The following NTRK1 variants were observed in gnomAD, a reference collection of about 807,000 sequenced individuals.
NTRK1 encodes the protein neurotrophic receptor tyrosine kinase 1.
Under a neutral mutation model 86.8 loss-of-function variants are expected in NTRK1, and 62 were observed. The observed-to-expected ratio is 0.71, with a 90% CI of 0.58 to 0.88. NTRK1 has a LOEUF of 0.88. NTRK1 is among the 40% of genes least tolerant of loss of function. NTRK1 has a pLI of 0.00. For missense variants in NTRK1, 967 were observed against 1,078.4 expected, an observed-to-expected ratio of 0.90 and a Z score of 1.45; for synonymous variants, 469 against 456.6, an observed-to-expected ratio of 1.03 and a Z score of -0.35.
chr1:156,845,914 C>A (rs1253249072), intron 2 of NTRK1: 1 of 1,602,236 alleles, frequency 6.2e-7, no homozygotes, highest in East Asian at 2.3e-5. Context: ...CCCTTCCCCA[C>A]CCGCCCCGCG....
intron 1 of NTRK1, among the ~76,000 whole-genome samples, chr1:156,863,406 CT>C (rs1655772950): frequency 6.6e-6 from 1 of 151,512 alleles, no homozygotes; most frequent in Non-Finnish European, 1.5e-5. Context: ...GCCTTTCCAT[CT>C]TTCTGTCTCT....
rs754776029 is a variant in NTRK1 at position 156,841,805 on chromosome 1, A to AG, written c.-63-273dup. The AG allele has an allele frequency of 1.9e-6, 3 of 1,614,080 alleles. No individual in the cohort carries two copies. The Admixed American group carries it at 5.0e-5, about 27-fold the overall frequency. On this transcript the variant is annotated intron_variant, in intron 1 of 16. Transcript: ENST00000392302. ...GAGTCATCCCGAAGTCTGGAAAGTG[A>AG]GGGTGAGGGTGGAGGAGGTGTGGGG... is the stretch of plus-strand genomic sequence containing the variant.
Position 156,876,393 on chromosome 1 carries a change from C to T in NTRK1, c.1633-7C>T, listed in dbSNP as rs2102918990. On this transcript the variant is annotated splice_polypyrimidine_tract_variant and splice_region_variant and intron_variant, in intron 13 of 16. Coordinates refer to ENST00000524377, the MANE Select transcript of NTRK1 (RefSeq NM_002529.4). The stretch of plus-strand genomic sequence containing the variant: ...AACTCAGTCCTGTCCCTGCCGCTTC[C>T]ATCCAGGCACTGAAGGAGGCGTCCG... 1 of 1,613,744 alleles carries T rather than the reference C, an allele frequency of 6.2e-7. No individual in the cohort carries two copies. Among genetic ancestry groups the T allele is most frequent in the Non-Finnish European group, 8.5e-7 (1 of 1,180,012 alleles).
intron 8 of NTRK1, 41 bp from the exon 9 acceptor site, chr1:156,874,342 C>T (rs771595008): frequency 2.5e-5 from 40 of 1,613,704 alleles, no homozygotes; most frequent in Non-Finnish European, 2.6e-5. Flanking sequence ...ACTGCTTTCT[C>T]TCCTCCCTCT....
At position 156,842,505 on chromosome 1, in the gene NTRK1, G is replaced by A. The variant is rs983411815; in HGVS notation, c.50+312G>A. The A allele has an allele frequency of 4.3e-6, 7 of 1,612,026 alleles. No homozygotes were observed. Among genetic ancestry groups the A allele is most frequent in the Middle Eastern group, 1.6e-4 (1 of 6,080 alleles). On this transcript the variant is annotated intron_variant, in intron 2 of 16. Coordinates refer to the NTRK1 transcript ENST00000392302. ...CCCTGAGATACCACACCCAGGAGAC[G>A]CACCTGGGACAGACAAAGGGCCTAG...
chr1:156,817,063 C>CTCTCTCTCTCTCTCTATT, intron 1 of NTRK1, among the ~76,000 whole-genome samples: 1 of 151,508 alleles, frequency 6.6e-6, no homozygotes, highest in Non-Finnish European at 1.5e-5. Context: ...CTCTCTCTCT[C>CTCTCTCTCTCTCTCTATT]TCTCTCTCTC....
At chr1:156,822,347 C>T (rs1654211314) in intron 1 of NTRK1, among the ~76,000 whole-genome samples, 1 of 152,070 alleles carries the variant, frequency 6.6e-6, no homozygotes, top group Non-Finnish European at 1.5e-5. Context: ...CGATTGAAGC[C>T]AGGAGTTGGA....
chr1:156,845,517 A>G, intron 2 of NTRK1: 4 of 1,477,056 alleles, frequency 2.7e-6, no homozygotes, highest in Middle Eastern at 4.9e-4. Flanking sequence ...GGACCCGCCC[A>G]CACAAGCAAG....
intron 2 of NTRK1, chr1:156,843,293 C>T: frequency 6.3e-7 from 1 of 1,575,750 alleles, no homozygotes; most frequent in Non-Finnish European, 8.7e-7. Context: ...CCTCACCCCC[C>T]AACTTCTCTT....
At chr1:156,875,375 T>C in intron 11 of NTRK1, 145 bp from the exon 12 acceptor site, 14 of 1,108,164 alleles carry the variant, frequency 1.3e-5, no homozygotes, top group Non-Finnish European at 1.6e-5. Flanking sequence ...GGTGCCCCCT[T>C]CCCCCTGCCT....
At chr1:156,864,644 A>T in intron 2 of NTRK1, 84 bp from the exon 3 acceptor site, 19 of 1,449,982 alleles carry the variant, frequency 1.3e-5, no homozygotes, top group Non-Finnish European at 1.8e-5. Context: ...AGCACAGGGG[A>T]CTGGGAGGCT....
intron 2 of NTRK1, among the ~76,000 whole-genome samples, chr1:156,850,073 T>A (rs1411147262): frequency 6.6e-6 from 1 of 152,074 alleles, no homozygotes. Flanking sequence ...CAGCTAATTT[T>A]GTATTTTTTA....
intron 1 of NTRK1, among the ~76,000 whole-genome samples, chr1:156,830,765 G>A (rs1158338877): frequency 6.6e-6 from 1 of 152,126 alleles, no homozygotes; most frequent in Admixed American, 6.5e-5. Flanking sequence ...ATGTTGGCCA[G>A]GCTGGTCTCG....
intron 2 of NTRK1, chr1:156,845,164 G>A: frequency 6.2e-7 from 1 of 1,611,422 alleles, no homozygotes; most frequent in Non-Finnish European, 8.5e-7. Flanking sequence ...TGTCGATCCG[G>A]TATTCCGTGA....
intron 2 of NTRK1, chr1:156,849,151 T>G (rs1655114581): frequency 6.3e-7 from 1 of 1,599,822 alleles, no homozygotes; most frequent in Admixed American, 1.7e-5. Context: ...TGAGGAGAAC[T>G]TCTCAGAGTG....
In NTRK1 at chr1:156,828,402, T is replaced by C. The variant is rs188831468; in HGVS notation, c.-64+12564T>C. Among the ~76,000 whole-genome samples the C allele has an allele frequency of 1.2e-4, 19 of 152,288 alleles. No individual in the cohort carries two copies. In the East Asian group the frequency reaches 2.9e-3, roughly 23 times the overall value. On this transcript the variant is annotated intron_variant, in intron 1 of 16. Transcript: ENST00000392302. ...GATGCTGAGTAACTATGTATTGACATTTTGAGGAAAAAAAAAGCAAAGAAA... is the reference window on the plus strand; with the variant it reads ...GATGCTGAGTAACTATGTATTGACACTTTGAGGAAAAAAAAAGCAAAGAAA...
intron 1 of NTRK1, among the ~76,000 whole-genome samples, chr1:156,824,728 G>A (rs1213686466): frequency 6.6e-6 from 1 of 152,146 alleles, no homozygotes; most frequent in South Asian, 2.1e-4. Flanking sequence ...GACATGGCAG[G>A]GTTGTTCTGG....
chr1:156,819,555 T>C (rs7542632), intron 1 of NTRK1, among the ~76,000 whole-genome samples: 50,808 of 151,672 alleles, frequency 0.33, 9,628 homozygotes, highest in East Asian at 0.7. Flanking sequence ...AGTTTCGCTC[T>C]TGTTGCCCAT....
intron 3 of NTRK1, among the ~76,000 whole-genome samples, chr1:156,865,711 G>A (rs1173744195): frequency 6.6e-6 from 1 of 152,168 alleles, no homozygotes; most frequent in African/African-American, 2.4e-5. Flanking sequence ...AGAGGGTCAT[G>A]GGATGGGCAG....
Sources: allele counts gnomAD v4.1 joint callset (sites outside exome capture counted in the v4.1 genomes callset), GRCh38; gene constraint gnomAD v4.1.1; transcripts MANE v1.5; gene names NCBI Gene and HGNC (gene_info 2026-07-23, HGNC 2026-07-21).